Variants in LRRC8C observed in about 807,000 individuals in gnomAD.
LRRC8C encodes the protein volume-regulated anion channel subunit LRRC8C.
LRRC8C carries 20 observed loss-of-function variants against 55.3 expected under a neutral mutation model. The ratio of observed to expected loss-of-function variants is 0.36; its 90% confidence interval spans 0.25 to 0.53. The LOEUF (loss-of-function observed/expected upper bound fraction) is 0.53. LRRC8C is among the 20% of genes least tolerant of loss of function. The pLI is 0.92. For synonymous variants in LRRC8C, 376 were observed against 360.7 expected (o/e 1.04, Z -0.48); for missense variants, 659 against 951.4 (o/e 0.69, Z 4.04).
chr1:89,639,275 A>G (rs7513928), intron 1 of LRRC8C, among the ~76,000 whole-genome samples: 84,408 of 151,676 alleles, frequency 0.56, 23,871 homozygotes, highest in East Asian at 0.79. Context: ...GTGAGCCACC[A>G]CGCCTGGCCT....
At chr1:89,707,869 T>A (rs1049503460) in intron 2 of LRRC8C, among the ~76,000 whole-genome samples, 1 of 152,080 alleles carries the variant, frequency 6.6e-6, no homozygotes, top group Non-Finnish European at 1.5e-5. Flanking sequence ...GTAGGCAGTT[T>A]AGCTGTCTCT....
Position 89,713,847 on chromosome 1 carries a change from T to A in LRRC8C, c.1277T>A (p.Leu426Gln). The A allele has an allele frequency of 6.2e-7, 1 of 1,614,236 alleles. No individual in the cohort carries two copies. Among genetic ancestry groups the A allele is most frequent in the Non-Finnish European group, 8.5e-7 (1 of 1,180,036 alleles). ...QKLQTNAHNR[L>Q]ELPLIMLSGL... ...CTACAGACAAATGCCCATAATCGAC[T>A]GGAATTGCCTCTTATCATGCTCTCT... Residue 426 changes from leucine (L) to glutamine (Q), a missense_variant, in exon 3 of 3, where the codon CTG (leucine) becomes CAG (glutamine). Around this residue, in one of 5 missense-constraint regions of LRRC8C, gnomAD observed 344 missense variants for 464.6 expected, o/e 0.74. Transcript: ENST00000370454. The surrounding 1 kb of genome is among the most constrained non-coding windows in gnomAD (Gnocchi z 5.2).
chr1:89,678,879 G>T (rs993016795), intron 1 of LRRC8C, among the ~76,000 whole-genome samples: 1 of 152,176 alleles, frequency 6.6e-6, no homozygotes, highest in Non-Finnish European at 1.5e-5. Flanking sequence ...TTTGCTGTGG[G>T]GATGGGGAAT....
intron 1 of LRRC8C, among the ~76,000 whole-genome samples, chr1:89,685,823 C>A (rs988492372): frequency 6.6e-6 from 1 of 151,490 alleles, no homozygotes; most frequent in African/African-American, 2.4e-5. Flanking sequence ...GTACAGGAAA[C>A]AGAGAAAAAA....
At chr1:89,705,204 A>G (rs1570739155) in intron 2 of LRRC8C, among the ~76,000 whole-genome samples, 1 of 143,778 alleles carries the variant, frequency 7.0e-6, no homozygotes, top group Non-Finnish European at 1.5e-5. Flanking sequence ...ATTCTCACTC[A>G]TAGGTGGGAA....
chr1:89,689,877 G>A (rs1657981579), intron 2 of LRRC8C, among the ~76,000 whole-genome samples: 1 of 151,972 alleles, frequency 6.6e-6, no homozygotes, highest in Admixed American at 6.6e-5. Flanking sequence ...GGAGGCAAAG[G>A]TTGCAGTGAG....
chr1:89,661,989 C>A (rs116361595), intron 1 of LRRC8C, among the ~76,000 whole-genome samples: 2,339 of 152,176 alleles, frequency 0.015, 66 homozygotes, highest in African/African-American at 0.053. Context: ...GATGAGAATT[C>A]CAGACAGAGC....
the LRRC8C span, among the ~76,000 whole-genome samples, chr1:89,624,312 TG>T: frequency 6.6e-6 from 1 of 152,238 alleles, no homozygotes; most frequent in African/African-American, 2.4e-5. Context: ...ACATTTATTT[TG>T]GAAGAAAGAG....
chr1:89,671,199 A>G (rs1417448482), intron 1 of LRRC8C, among the ~76,000 whole-genome samples: 1 of 152,026 alleles, frequency 6.6e-6, no homozygotes, highest in African/African-American at 2.4e-5. Flanking sequence ...CAGTAGTCAC[A>G]TATTCTACTA....
Position 89,713,457 on chromosome 1 carries a change from A to G in LRRC8C, c.887A>G (p.Asp296Gly). ...CAGTTTACAGTGGACTGTAATGTGGACATTCAGGACATGACTGGATATAAA... is the reference window on the plus strand; with the variant it reads ...CAGTTTACAGTGGACTGTAATGTGGGCATTCAGGACATGACTGGATATAAA... Reference protein sequence around the residue: ...KVQFTVDCNVDIQDMTGYKNF... With the variant: ...KVQFTVDCNVGIQDMTGYKNF... Residue 296 changes from aspartate to glycine, a missense_variant, in exon 3 of 3, where the codon GAC becomes GGC. Physicochemically the swap from Asp to Gly is moderately conservative, Grantham distance 94. Transcript: ENST00000370454. The surrounding 1 kb of genome is among the most constrained non-coding windows in gnomAD (Gnocchi z 5.2). 6.2e-7 allele frequency: 1 copy of G among 1,614,150 alleles called. No individual in the cohort carries two copies. Among genetic ancestry groups the G allele is most frequent in the Non-Finnish European group, 8.5e-7 (1 of 1,180,038 alleles).
intron 2 of LRRC8C, among the ~76,000 whole-genome samples, chr1:89,701,514 T>A (rs1225578188): frequency 6.6e-6 from 1 of 151,194 alleles, no homozygotes; most frequent in Non-Finnish European, 1.5e-5. Flanking sequence ...AAAAGAACAA[T>A]GGACTTTATT....
chr1:89,639,276 C>G (rs867837149), intron 1 of LRRC8C, among the ~76,000 whole-genome samples: 1 of 152,108 alleles, frequency 6.6e-6, no homozygotes, highest in South Asian at 2.1e-4. Context: ...TGAGCCACCA[C>G]GCCTGGCCTA....
chr1:89,664,400 C>A (rs1657200696), intron 1 of LRRC8C, among the ~76,000 whole-genome samples: 1 of 152,086 alleles, frequency 6.6e-6, no homozygotes, highest in Non-Finnish European at 1.5e-5. Context: ...AAATAGGGAA[C>A]CCTTTCCCCA....
chr1:89,628,545 T>A (rs1277413256), upstream of LRRC8C, among the ~76,000 whole-genome samples: 3 of 152,138 alleles, frequency 2.0e-5, no homozygotes, highest in East Asian at 5.8e-4. Flanking sequence ...TGAGCCACCT[T>A]CTCTTGGCCC....
chr1:89,685,441 A>T (rs970058048), intron 1 of LRRC8C, among the ~76,000 whole-genome samples: 2 of 152,198 alleles, frequency 1.3e-5, no homozygotes, highest in Non-Finnish European at 2.9e-5. Context: ...TTAATTCAGT[A>T]TTAGGGAAGG....
At chr1:89,676,862 CT>C (rs1382512088) in intron 1 of LRRC8C, among the ~76,000 whole-genome samples, 1 of 152,148 alleles carries the variant, frequency 6.6e-6, no homozygotes, top group East Asian at 1.9e-4. Context: ...GAGGGATTCT[CT>C]CAGCACCTAG....
the LRRC8C span, among the ~76,000 whole-genome samples, chr1:89,623,760 C>T: frequency 3.4e-4 from 51 of 152,068 alleles, 2 homozygotes; most frequent in African/African-American, 1.1e-3. Flanking sequence ...CCTAGAAAAG[C>T]ATTCATAGGA....
Position 89,669,331 on chromosome 1 carries a change from T to C in LRRC8C, c.-4-17139T>C, listed in dbSNP as rs578156714. 2.0e-5 allele frequency among the ~76,000 whole-genome samples: 3 copies of C among 152,330 alleles called. No individual in the cohort carries two copies. In the East Asian group the frequency reaches 5.8e-4, roughly 29 times the overall value. ...AATCAATGGGCATAAAGTTTCTGTT[T>C]GCAACATGAGTAAGCTTTAAAGATC... is the stretch of plus-strand genomic sequence containing the variant. On this transcript the variant is annotated intron_variant, in intron 1 of 2. Transcript: ENST00000370454.
At chr1:89,662,815 CTA>C (rs1657154826) in intron 1 of LRRC8C, among the ~76,000 whole-genome samples, 2 of 152,068 alleles carry the variant, frequency 1.3e-5, no homozygotes, top group Middle Eastern at 3.4e-3. Context: ...TATTATTTTC[CTA>C]TGTTTCTTTT....
Sources: gnomAD v4.1 joint callset for allele counts (sites outside exome capture counted in the v4.1 genomes callset) on GRCh38, gnomAD v4.1.1 for gene constraint, gnomAD v4.1.1 regional missense constraint, Gnocchi (gnomAD v3.1) non-coding constraint, MANE v1.5 for transcripts, NCBI Gene and HGNC (gene_info 2026-07-23, HGNC 2026-07-21) for gene names.